The following MRTFB variants were observed in gnomAD, a reference collection of about 807,000 sequenced individuals.
MRTFB encodes myocardin related transcription factor B, also known as myocardin-related transcription factor B.
MRTFB carries 29 observed loss-of-function variants against 104.2 expected under a neutral mutation model. The ratio of observed to expected loss-of-function variants is 0.28; its 90% CI spans 0.21 to 0.38. MRTFB has a LOEUF of 0.38. Among genes scored for constraint, MRTFB ranks in the 10% least tolerant of loss-of-function variants. The pLI, the probability that MRTFB is intolerant of heterozygous loss-of-function variation, is 1.00. For synonymous variants in MRTFB, 535 were observed against 519.5 expected (o/e 1.03, Z -0.41); for missense variants, 1,270 against 1,341.6 (o/e 0.95, Z 0.83).
chr16:14,159,189 A>C (rs766887036), intron 3 of MRTFB, among the ~76,000 whole-genome samples: 8 of 152,120 alleles, frequency 5.3e-5, no homozygotes, highest in Non-Finnish European at 1.0e-4. Flanking sequence ...AGTGTTCTCA[A>C]GTTGTATTCT....
At chr16:14,224,377 A>C (rs567646574) in intron 8 of MRTFB, among the ~76,000 whole-genome samples, 1 of 152,254 alleles carries the variant, frequency 6.6e-6, no homozygotes, top group African/African-American at 2.4e-5. Flanking sequence ...TTACAGTGTA[A>C]ATGGTTTTTT....
intron 3 of MRTFB, among the ~76,000 whole-genome samples, chr16:14,196,536 A>G (rs1031516036): frequency 6.6e-6 from 1 of 152,230 alleles, no homozygotes; most frequent in South Asian, 2.1e-4. Context: ...ATCAAAGGCA[A>G]TATTTCCACT....
At chr16:14,166,703 C>T in intron 3 of MRTFB, among the ~76,000 whole-genome samples, 1 of 151,418 alleles carries the variant, frequency 6.6e-6, no homozygotes, top group Non-Finnish European at 1.5e-5. Flanking sequence ...TTGTTCCCCT[C>T]CCTGTGTCCA....
chr16:14,137,411 A>G (rs1299620714), intron 2 of MRTFB, among the ~76,000 whole-genome samples: 1 of 152,180 alleles, frequency 6.6e-6, no homozygotes, highest in Non-Finnish European at 1.5e-5. Flanking sequence ...TATGAAGAAC[A>G]GATTATACTG....
intron 3 of MRTFB, among the ~76,000 whole-genome samples, chr16:14,194,314 G>T (rs746035628): frequency 6.6e-6 from 1 of 152,218 alleles, no homozygotes; most frequent in Admixed American, 6.5e-5. Context: ...GTCTCTTCCA[G>T]GCTTGTAGCC....
At chr16:14,142,382 G>A (rs1298175630) in intron 3 of MRTFB, 1 of 152,560 alleles carries the variant, frequency 6.6e-6, no homozygotes, top group Non-Finnish European at 1.5e-5. Context: ...AAGTAGCTGG[G>A]ACTACAGGCG....
chr16:14,194,676 G>A (rs1268301703), intron 3 of MRTFB, among the ~76,000 whole-genome samples: 1 of 151,140 alleles, frequency 6.6e-6, no homozygotes, highest in East Asian at 1.9e-4. Context: ...TAGCATATTA[G>A]GAAGTATTTC....
chr16:14,223,725 GACACC>G (rs2041855691), intron 8 of MRTFB, among the ~76,000 whole-genome samples: 1 of 152,066 alleles, frequency 6.6e-6, no homozygotes, highest in African/African-American at 2.4e-5. Context: ...AGACTTATAG[GACACC>G]ATCAAGCGAT....
At chr16:14,180,068 A>C (rs1200404718) in intron 3 of MRTFB, among the ~76,000 whole-genome samples, 1 of 152,222 alleles carries the variant, frequency 6.6e-6, no homozygotes, top group Non-Finnish European at 1.5e-5. Flanking sequence ...TCTTAACCAC[A>C]GATAATTACA....
intron 2 of MRTFB, among the ~76,000 whole-genome samples, chr16:14,089,673 A>G (rs2034933967): frequency 6.6e-6 from 1 of 152,090 alleles, no homozygotes; most frequent in African/African-American, 2.4e-5. Context: ...TTATATGGTA[A>G]CTCTGTATTT....
chr16:14,235,657 A>G (rs911463893), intron 9 of MRTFB, among the ~76,000 whole-genome samples: 34 of 152,192 alleles, frequency 2.2e-4, no homozygotes, highest in Non-Finnish European at 3.7e-4. Context: ...CAGTGTTTCT[A>G]TAAGGAAAGC....
At chr16:14,025,357 T>A in the MRTFB span, among the ~76,000 whole-genome samples, 1 of 152,204 alleles carries the variant, frequency 6.6e-6, no homozygotes, top group Non-Finnish European at 1.5e-5. Flanking sequence ...TCAATTTTTT[T>A]ATTTTTTGTA....
At chr16:14,087,316 A>G (rs1029992823) in intron 2 of MRTFB, among the ~76,000 whole-genome samples, 10 of 152,160 alleles carry the variant, frequency 6.6e-5, no homozygotes, top group Admixed American at 1.3e-4. Flanking sequence ...AAGGATATGT[A>G]CTGAACCTCT....
chr16:14,115,001 A>G (rs1431119748), intron 2 of MRTFB, among the ~76,000 whole-genome samples: 4 of 152,186 alleles, frequency 2.6e-5, no homozygotes, highest in Non-Finnish European at 5.9e-5. Context: ...GTCCTAGGTT[A>G]TTCCTCCTTG....
chr16:14,211,599 A>G (rs1267600505), intron 4 of MRTFB, among the ~76,000 whole-genome samples: 1 of 152,182 alleles, frequency 6.6e-6, no homozygotes, highest in African/African-American at 2.4e-5. Flanking sequence ...TTGCAAAGAT[A>G]ATTGATAGAA....
Position 14,165,214 on chromosome 16 carries a change from C to T in MRTFB, c.154+24454C>T, listed in dbSNP as rs550817409. ...TTGCTGCAAAGTTTAGTCCTCATGACCAGTTGAGGATAGAGCATGTGGTGC... is the reference window on the plus strand; with the variant it reads ...TTGCTGCAAAGTTTAGTCCTCATGATCAGTTGAGGATAGAGCATGTGGTGC... On this transcript the variant is annotated intron_variant, in intron 3 of 16. Transcript: ENST00000571589. Among the ~76,000 whole-genome samples the T allele has an allele frequency of 2.0e-5, 3 of 151,966 alleles. No homozygotes were observed. In the South Asian group the frequency reaches 6.3e-4, roughly 32 times the overall value.
the MRTFB span, among the ~76,000 whole-genome samples, chr16:14,024,445 A>C: frequency 6.6e-6 from 1 of 152,216 alleles, no homozygotes; most frequent in Non-Finnish European, 1.5e-5. Context: ...GCTGTAGAGA[A>C]ATAGAAATGG....
intron 2 of MRTFB, among the ~76,000 whole-genome samples, chr16:14,118,919 A>G (rs1427782490): frequency 6.7e-6 from 1 of 149,738 alleles, no homozygotes; most frequent in Non-Finnish European, 1.5e-5. Flanking sequence ...AGATGTGTAT[A>G]GCAGTAATTC....
intron 3 of MRTFB, among the ~76,000 whole-genome samples, chr16:14,169,381 C>G (rs2039350198): frequency 6.6e-6 from 1 of 152,202 alleles, no homozygotes; most frequent in East Asian, 1.9e-4. Context: ...CAGTCCCACT[C>G]AGGTCCGATT....
Sources: gnomAD v4.1 joint callset for allele counts (sites outside exome capture counted in the v4.1 genomes callset) on GRCh38, gnomAD v4.1.1 for gene constraint, MANE v1.5 for transcripts, NCBI Gene and HGNC (gene_info 2026-07-23, HGNC 2026-07-21) for gene names.